KPNA6: variants seen among roughly 807,000 people sequenced by gnomAD.
KPNA6 encodes the protein karyopherin subunit alpha 6.
In KPNA6, 9 loss-of-function variants were observed where a neutral mutation model predicts 72.0. The ratio of observed to expected loss-of-function variants is 0.13; its 90% CI spans 0.08 to 0.22. The LOEUF is 0.22. KPNA6 is among the 10% of genes least tolerant of loss of function. The probability of loss-of-function intolerance (pLI) is 1.00; values close to 1 mark genes in which losing one functional copy is unlikely to be tolerated. For missense variants in KPNA6, 374 were observed against 655.7 expected (o/e 0.57, Z 4.69); for synonymous variants, 219 against 242.1 (o/e 0.90, Z 0.89).
At chr1:32,158,099 T>C (rs1278716279) in intron 4 of KPNA6, among the ~76,000 whole-genome samples, 168 bp from the exon 5 acceptor site, 1 of 152,216 alleles carries the variant, frequency 6.6e-6, no homozygotes, top group African/African-American at 2.4e-5. Flanking sequence ...AGCTGTATTA[T>C]ACAGTTCAAA....
chr1:32,142,255 CAAAAAAAAAAA>C (rs763008502), intron 1 of KPNA6, among the ~76,000 whole-genome samples: 2 of 55,288 alleles, frequency 3.6e-5, no homozygotes, highest in Middle Eastern at 0.012. Context: ...GACCCTGTCT[CAAAAAAAAAAA>C]AAAAAAAAAA....
At chr1:32,143,471 A>C (rs1032892089) in intron 1 of KPNA6, among the ~76,000 whole-genome samples, 1 of 151,324 alleles carries the variant, frequency 6.6e-6, no homozygotes, top group African/African-American at 2.4e-5. Context: ...TGTAATCCCC[A>C]CTACTTGAGG....
intron 1 of KPNA6, among the ~76,000 whole-genome samples, chr1:32,109,414 C>T (rs185711744): frequency 1.3e-5 from 2 of 151,948 alleles, no homozygotes; most frequent in South Asian, 4.1e-4. Context: ...TCAAGTGATT[C>T]GCCTGCCTCG....
At chr1:32,133,516 CAAAAAAAAAAA>C (rs56850687) in intron 1 of KPNA6, among the ~76,000 whole-genome samples, 2 of 43,888 alleles carry the variant, frequency 4.6e-5, no homozygotes, top group African/African-American at 7.3e-5. Flanking sequence ...CTAGTCTCTA[CAAAAAAAAAAA>C]AAAAAAAAAA....
rs753279842 is a variant in KPNA6 at position 32,176,381 on chromosome 1, C to A, written c.*5487C>A. 1.3e-5 allele frequency: 2 copies of A among 152,212 alleles called. No individual in the cohort carries two copies. Among genetic ancestry groups the A allele is most frequent in the Non-Finnish European group, 2.9e-5 (2 of 68,028 alleles). The allele number at this position is 152,212 out of a possible 1,614,324, so 9.4% of individuals were successfully genotyped here. On this transcript the variant is annotated 3_prime_UTR_variant, in exon 14 of 14. Coordinates refer to ENST00000373625, the MANE Select transcript of KPNA6 (RefSeq NM_012316.5). Reference sequence around the variant, plus strand: ...TCTATTTTCCATGTTCTCAGGGCCCCTGGGTAGACAGACACAGCTTGATTT... The same window carrying A: ...TCTATTTTCCATGTTCTCAGGGCCCATGGGTAGACAGACACAGCTTGATTT...
chr1:32,169,039 A>G (rs149671589), intron 12 of KPNA6, among the ~76,000 whole-genome samples: 10 of 152,266 alleles, frequency 6.6e-5, no homozygotes, highest in African/African-American at 2.4e-4. Context: ...AACAATATCA[A>G]CAGGAAGGTA....
In KPNA6 at chr1:32,170,070, C is replaced by A. The variant is rs1642409080; in HGVS notation, c.1423+10C>A. 5 of 1,611,366 alleles carry A rather than the reference C, an allele frequency of 3.1e-6. No individual in the cohort carries two copies. The highest frequency in any genetic ancestry group is 1.3e-5 in the African/African-American group (1 of 74,836). ...ATAGAGGAAGCCTATGGTATGTGCC[C>A]TCTCCTCAATCTAGGTCAGAACCTG... On this transcript the variant is annotated intron_variant, in intron 13 of 13. Transcript: ENST00000373625.
intron 1 of KPNA6, among the ~76,000 whole-genome samples, chr1:32,152,268 G>GT (rs1642045236): frequency 6.6e-6 from 1 of 152,218 alleles, no homozygotes; most frequent in Non-Finnish European, 1.5e-5. Context: ...AGTTGAGGCT[G>GT]TGGTGAGCTG....
chr1:32,128,665 T>C (rs1641584595), intron 1 of KPNA6, among the ~76,000 whole-genome samples: 2 of 152,000 alleles, frequency 1.3e-5, no homozygotes, highest in East Asian at 1.9e-4. Flanking sequence ...AATTGTCCAG[T>C]AGAAGAAGAG....
rs1391968633 is a variant in KPNA6, at chr1:32,174,181, G to A, written c.*3287G>A. ...CAAATGGCCCCCCCCCAGGGAGCAG[G>A]TGTTGGCCTCAGTTTTCAGGGACCC... On this transcript the variant is annotated 3_prime_UTR_variant, in exon 14 of 14. Transcript: ENST00000373625. 6.6e-6 allele frequency: 1 copy of A among 152,248 alleles called. No homozygotes were observed. The highest frequency in any genetic ancestry group is 1.5e-5 in the Non-Finnish European group (1 of 68,128). 9.4% of individuals were successfully genotyped at this position (152,248 alleles called of 1,614,324 possible). A position where few individuals can be genotyped will look rare whatever the true frequency, so the allele number is the denominator to read the frequency against.
At chr1:32,145,786 T>C (rs764487445) in intron 1 of KPNA6, among the ~76,000 whole-genome samples, 4 of 152,238 alleles carry the variant, frequency 2.6e-5, no homozygotes, top group Non-Finnish European at 5.9e-5. Flanking sequence ...TATGTCCATA[T>C]GCTTATCCTT....
chr1:32,137,613 A>G (rs1641756960), intron 1 of KPNA6, among the ~76,000 whole-genome samples: 1 of 152,234 alleles, frequency 6.6e-6, no homozygotes. Context: ...ATTTGAGGGC[A>G]TGCTGTGTAC....
chr1:32,128,653 C>G (rs1641584453), intron 1 of KPNA6, among the ~76,000 whole-genome samples: 1 of 151,620 alleles, frequency 6.6e-6, no homozygotes, highest in Non-Finnish European at 1.5e-5. Context: ...GTGGACTGAC[C>G]CAATTGTCCA....
At chr1:32,165,687 G>A (rs999927733) in intron 10 of KPNA6, among the ~76,000 whole-genome samples, 1 of 151,660 alleles carries the variant, frequency 6.6e-6, no homozygotes, top group African/African-American at 2.4e-5. Flanking sequence ...AGGCAACAAA[G>A]TGAGACCCTA....
chr1:32,146,397 T>A (rs573699538), intron 1 of KPNA6, among the ~76,000 whole-genome samples: 5 of 152,358 alleles, frequency 3.3e-5, no homozygotes, highest in South Asian at 4.1e-4. Flanking sequence ...TTTTGTCAGA[T>A]ATTCATGTAG....
intron 1 of KPNA6, among the ~76,000 whole-genome samples, chr1:32,126,567 T>C (rs1241806814): frequency 6.6e-6 from 1 of 152,030 alleles, no homozygotes; most frequent in Admixed American, 6.6e-5. Context: ...GTATTTTTAG[T>C]AGAGACGAGG....
At chr1:32,123,622 C>A (rs1641477211) in intron 1 of KPNA6, among the ~76,000 whole-genome samples, 1 of 151,650 alleles carries the variant, frequency 6.6e-6, no homozygotes. Context: ...CATCTGTAGT[C>A]CCAGCTACTC....
chr1:32,164,985 C>T (rs1439349234), intron 10 of KPNA6, among the ~76,000 whole-genome samples: 3 of 152,138 alleles, frequency 2.0e-5, no homozygotes, highest in African/African-American at 7.2e-5. Context: ...GCAACCTCTG[C>T]CTCCTGAGCT....
At chr1:32,123,387 C>T (rs140974355) in intron 1 of KPNA6, among the ~76,000 whole-genome samples, 4 of 152,012 alleles carry the variant, frequency 2.6e-5, no homozygotes, top group African/African-American at 7.2e-5. Flanking sequence ...TGTACCATGT[C>T]TGTGCTTTAT....
Sources: allele counts gnomAD v4.1 joint callset (sites outside exome capture counted in the v4.1 genomes callset), GRCh38; gene constraint gnomAD v4.1.1; transcripts MANE v1.5; gene names NCBI Gene and HGNC (gene_info 2026-07-23, HGNC 2026-07-21).